SDK1: variants seen among roughly 807,000 people sequenced by gnomAD.
SDK1 encodes the protein sidekick cell adhesion molecule 1.
Under a neutral mutation model 245.5 loss-of-function variants are expected in SDK1, and 157 were observed. The ratio of observed to expected loss-of-function variants is 0.64; its 90% CI spans 0.56 to 0.73. The LOEUF (loss-of-function observed/expected upper bound fraction) is 0.73. Ranked by LOEUF, SDK1 falls within the 30% of genes least tolerant of loss-of-function variation. The pLI is 0.00. For missense variants in SDK1, 3,583 were observed against 3,002.3 expected, an observed-to-expected ratio of 1.19 and a Z score of -4.52; for synonymous variants, 1,647 against 1,278.5, an observed-to-expected ratio of 1.29 and a Z score of -6.15.
At chr7:3,922,180 G>C (rs557560771) in intron 5 of SDK1, among the ~76,000 whole-genome samples, 2 of 152,150 alleles carry the variant, frequency 1.3e-5, no homozygotes, top group South Asian at 2.1e-4. Context: ...TAGTTAAGAC[G>C]CCGGAGAAGG....
intron 1 of SDK1, among the ~76,000 whole-genome samples, chr7:3,320,622 A>G (rs1779778952): frequency 6.6e-6 from 1 of 152,214 alleles, no homozygotes; most frequent in Non-Finnish European, 1.5e-5. Flanking sequence ...TCTAGATTTT[A>G]GCCAAAGATC....
intron 1 of SDK1, among the ~76,000 whole-genome samples, chr7:3,390,769 C>T (rs1018476135): frequency 6.6e-6 from 1 of 152,112 alleles, no homozygotes; most frequent in Non-Finnish European, 1.5e-5. Context: ...TTTGAGCCCT[C>T]AGGAAGGAAC....
chr7:3,674,854 G>A (rs1783841278), intron 4 of SDK1, among the ~76,000 whole-genome samples: 1 of 152,158 alleles, frequency 6.6e-6, no homozygotes, highest in African/African-American at 2.4e-5. Flanking sequence ...TAAAGGGCAT[G>A]GCTGGATTAA....
At chr7:3,462,141 C>T (rs1451709112) in intron 1 of SDK1, among the ~76,000 whole-genome samples, 1 of 152,166 alleles carries the variant, frequency 6.6e-6, no homozygotes, top group Non-Finnish European at 1.5e-5. Context: ...CAGAATTGCT[C>T]TGCAGAGGCT....
At chr7:3,826,550 A>C (rs1226914683) in intron 5 of SDK1, among the ~76,000 whole-genome samples, 1 of 152,166 alleles carries the variant, frequency 6.6e-6, no homozygotes, top group Non-Finnish European at 1.5e-5. Context: ...TCTTCCCAGA[A>C]ATGCCGTCGT....
At chr7:4,166,366 G>T (rs1056128412) in intron 32 of SDK1, among the ~76,000 whole-genome samples, 1 of 152,252 alleles carries the variant, frequency 6.6e-6, no homozygotes, top group African/African-American at 2.4e-5. Flanking sequence ...TTCATTAAGC[G>T]CAGTGGGCTC....
At chr7:3,607,316 G>T (rs1781455243) in intron 1 of SDK1, among the ~76,000 whole-genome samples, 1 of 152,134 alleles carries the variant, frequency 6.6e-6, no homozygotes, top group Non-Finnish European at 1.5e-5. Context: ...TACAACTTCT[G>T]TGTTATACAA....
intron 4 of SDK1, among the ~76,000 whole-genome samples, chr7:3,757,131 A>G (rs967923572): frequency 6.6e-6 from 1 of 152,114 alleles, no homozygotes; most frequent in Non-Finnish European, 1.5e-5. Context: ...CAGACCCCAC[A>G]CATTGAGGGC....
chr7:3,871,854 G>A (rs1187623246), intron 5 of SDK1, among the ~76,000 whole-genome samples: 1 of 152,136 alleles, frequency 6.6e-6, no homozygotes, highest in Admixed American at 6.5e-5. Context: ...TATCAGAGTG[G>A]TTAGAAAAAA....
chr7:3,464,605 C>CTG (rs1780934078), intron 1 of SDK1, among the ~76,000 whole-genome samples: 1 of 151,778 alleles, frequency 6.6e-6, no homozygotes, highest in Non-Finnish European at 1.5e-5. Context: ...TTGAGAAAAG[C>CTG]TGTTTTTTCA....
chr7:3,378,846 G>C (rs1781415508), intron 1 of SDK1, among the ~76,000 whole-genome samples: 1 of 152,074 alleles, frequency 6.6e-6, no homozygotes, highest in Non-Finnish European at 1.5e-5. Flanking sequence ...CTGCTCCACG[G>C]AGTTGGTCAC....
intron 43 of SDK1, among the ~76,000 whole-genome samples, chr7:4,243,761 C>T (rs976064245): frequency 6.6e-6 from 1 of 152,148 alleles, no homozygotes; most frequent in African/African-American, 2.4e-5. Context: ...GGTGGGGACA[C>T]AGCCAAACCA....
chr7:3,510,525 G>T (rs965512618), intron 1 of SDK1, among the ~76,000 whole-genome samples: 1 of 152,266 alleles, frequency 6.6e-6, no homozygotes, highest in Middle Eastern at 3.4e-3. Flanking sequence ...CCCTCAGAAT[G>T]AAGACCCAAA....
chr7:4,163,152 G>A (rs1225610264), intron 32 of SDK1, among the ~76,000 whole-genome samples: 1 of 152,220 alleles, frequency 6.6e-6, no homozygotes, highest in Non-Finnish European at 1.5e-5. Flanking sequence ...GGGCTGCTGT[G>A]CCAGGGAGCT....
Position 3,628,353 on chromosome 7 carries a change from A to G in SDK1, c.458+9114A>G, listed in dbSNP as rs1004501241. Among the ~76,000 whole-genome samples the G allele has an allele frequency of 9.9e-5, 15 of 152,206 alleles. No homozygotes were observed. In the South Asian group the frequency reaches 2.7e-3, roughly 27 times the overall value. On this transcript the variant is annotated intron_variant, in intron 2 of 44. Transcript: ENST00000404826. ...ATATATGTATATACAAAATATATAT[A>G]TTTTGTAGAGATGGGATCTCACTGT...
intron 4 of SDK1, among the ~76,000 whole-genome samples, chr7:3,685,554 A>G (rs975637756): frequency 3.9e-5 from 6 of 152,198 alleles, no homozygotes; most frequent in Non-Finnish European, 8.8e-5. Context: ...CAAATATAAT[A>G]CACAATCAAA....
intron 17 of SDK1, among the ~76,000 whole-genome samples, chr7:4,037,256 G>T (rs992516751): frequency 6.6e-6 from 1 of 152,176 alleles, no homozygotes; most frequent in Non-Finnish European, 1.5e-5. Context: ...AACAAGCTTC[G>T]ACTGCACACT....
At chr7:3,788,051 T>C (rs2115019757) in intron 4 of SDK1, among the ~76,000 whole-genome samples, 1 of 152,296 alleles carries the variant, frequency 6.6e-6, no homozygotes. Context: ...ACAGCTCGTG[T>C]GCTCCGGGGA....
At chr7:3,970,659 C>G (rs545740803) in intron 11 of SDK1, among the ~76,000 whole-genome samples, 2 of 152,350 alleles carry the variant, frequency 1.3e-5, no homozygotes, top group Admixed American at 1.3e-4. Flanking sequence ...TATAGCGACA[C>G]TAGCCTGACT....
Sources: gnomAD v4.1 joint callset for allele counts (sites outside exome capture counted in the v4.1 genomes callset) on GRCh38, gnomAD v4.1.1 for gene constraint, MANE v1.5 for transcripts, NCBI Gene and HGNC (gene_info 2026-07-23, HGNC 2026-07-21) for gene names.